The following NRXN3 variants were observed in gnomAD, a reference collection of about 807,000 sequenced individuals.
NRXN3 encodes neurexin III.
A neutral mutation model predicts 137.6 loss-of-function variants in NRXN3; 32 were observed. The observed-to-expected ratio is 0.23, with a 90% confidence interval of 0.18 to 0.31. The LOEUF (loss-of-function observed/expected upper bound fraction) is 0.31. Ranked by LOEUF, NRXN3 falls within the 10% of genes least tolerant of loss-of-function variation. The pLI, the probability that NRXN3 is intolerant of heterozygous loss-of-function variation, is 1.00. For missense variants in NRXN3, 1,574 were observed against 2,062.5 expected, an observed-to-expected ratio of 0.76 and a Z score of 4.59; for synonymous variants, 798 against 784.5, an observed-to-expected ratio of 1.02 and a Z score of -0.29.
At chr14:79,186,905 C>T (rs768115667) in intron 15 of NRXN3, among the ~76,000 whole-genome samples, 5 of 152,116 alleles carry the variant, frequency 3.3e-5, no homozygotes, top group African/African-American at 4.8e-5. Context: ...TCAGGGTGAA[C>T]GCAAAATGTG....
intron 8 of NRXN3, among the ~76,000 whole-genome samples, chr14:78,758,956 C>A (rs994464047): frequency 1.3e-5 from 2 of 152,128 alleles, no homozygotes; most frequent in East Asian, 1.9e-4. Context: ...TCTTGGTGTA[C>A]CAGAAAAGCA....
At chr14:79,339,139 G>T (rs1210641286) in intron 15 of NRXN3, among the ~76,000 whole-genome samples, 2 of 152,048 alleles carry the variant, frequency 1.3e-5, no homozygotes, top group Non-Finnish European at 2.9e-5. Flanking sequence ...GTGCAATGGA[G>T]CAAGGTTACC....
At chr14:78,687,980 T>C (rs996267286) in intron 6 of NRXN3, among the ~76,000 whole-genome samples, 3 of 152,194 alleles carry the variant, frequency 2.0e-5, no homozygotes, top group African/African-American at 7.2e-5. Context: ...AGTGCAGATA[T>C]TTGAAAGGAA....
Position 78,473,125 on chromosome 14 carries a change from G to A in NRXN3, c.758-171995G>A, listed in dbSNP as rs149934504. ...CTTTAAAAGAAAAACCTTTCTGGCC[G>A]GGCGTGGTGGCTCAAGCCTGTAATC... On this transcript the variant is annotated intron_variant, in intron 4 of 20. Transcript: ENST00000335750. 3.7e-3 allele frequency among the ~76,000 whole-genome samples: 557 copies of A among 152,124 alleles called. 3 individuals are homozygous for A. The highest frequency in any genetic ancestry group is 0.012 in the African/African-American group (491 of 41,512).
chr14:79,510,874 A>T (rs1567337555), intron 16 of NRXN3, among the ~76,000 whole-genome samples: 1 of 152,140 alleles, frequency 6.6e-6, no homozygotes, highest in Non-Finnish European at 1.5e-5. Flanking sequence ...AATAACTCCC[A>T]GCTCAAGCAG....
chr14:78,226,042 C>T (rs1035285723), intron 1 of NRXN3, among the ~76,000 whole-genome samples: 25 of 151,176 alleles, frequency 1.7e-4, no homozygotes, highest in African/African-American at 5.1e-4. Context: ...CTTGCTCTGT[C>T]GCCCAGGCTA....
chr14:79,457,158 A>G (rs993693559), intron 15 of NRXN3, among the ~76,000 whole-genome samples: 13 of 152,272 alleles, frequency 8.5e-5, no homozygotes, highest in African/African-American at 3.1e-4. Flanking sequence ...GGACATGACA[A>G]TTTCAGTTCA....
At chr14:78,249,297 C>T (rs1271795631) in intron 2 of NRXN3, among the ~76,000 whole-genome samples, 1 of 152,198 alleles carries the variant, frequency 6.6e-6, no homozygotes, top group East Asian at 1.9e-4. Context: ...AGACATTTTG[C>T]CAGGAGCCTC....
At chr14:79,754,550 ATATATATATATAT>A (rs2099012103) in intron 19 of NRXN3, among the ~76,000 whole-genome samples, 1 of 66,260 alleles carries the variant, frequency 1.5e-5, no homozygotes, top group Admixed American at 1.6e-4. Context: ...ATATATATAT[ATATATATATATAT>A]GCACACATAC....
chr14:78,728,830 C>T (rs533343994), intron 8 of NRXN3, among the ~76,000 whole-genome samples: 3 of 152,214 alleles, frequency 2.0e-5, no homozygotes, highest in South Asian at 2.1e-4. Flanking sequence ...ACCCAGGAGG[C>T]GGAGGTTGCA....
At chr14:79,775,550 A>AC in intron 19 of NRXN3, among the ~76,000 whole-genome samples, 1 of 143,256 alleles carries the variant, frequency 7.0e-6, no homozygotes, top group African/African-American at 2.7e-5. Context: ...TTGGGCTCTA[A>AC]CCGAAAAAAA....
chr14:79,591,962 C>A (rs1235675337), intron 16 of NRXN3, among the ~76,000 whole-genome samples: 1 of 152,142 alleles, frequency 6.6e-6, no homozygotes, highest in African/African-American at 2.4e-5. Context: ...TCAAATCTTA[C>A]ATCTACTGTT....
Position 79,392,099 on chromosome 14 carries a change from C to G in NRXN3, c.3263-75122C>G, listed in dbSNP as rs145666343. On this transcript the variant is annotated intron_variant, in intron 15 of 20. Transcript: ENST00000335750. ...ATGGTGGTTTGCTGCACCCATCAAC[C>G]CATCATCTACATGAGGAATTTCTCC... is the stretch of plus-strand genomic sequence containing the variant. Among the ~76,000 whole-genome samples the G allele has an allele frequency of 8.5e-3, 1,300 of 152,156 alleles. 32 individuals are homozygous for G. The East Asian group carries it at 0.099, about 12-fold the overall frequency.
chr14:79,054,425 A>C (rs2099651273), intron 15 of NRXN3, among the ~76,000 whole-genome samples: 1 of 152,176 alleles, frequency 6.6e-6, no homozygotes, highest in Admixed American at 6.5e-5. Flanking sequence ...AGCTTCCTTG[A>C]TGACCATCTC....
At chr14:79,551,298 A>G (rs1250162121) in intron 16 of NRXN3, among the ~76,000 whole-genome samples, 1 of 152,106 alleles carries the variant, frequency 6.6e-6, no homozygotes, top group African/African-American at 2.4e-5. Flanking sequence ...TCTTTGAAGG[A>G]GGGAGAAGGA....
chr14:78,339,175 A>G (rs2153579575), intron 4 of NRXN3, among the ~76,000 whole-genome samples: 1 of 152,306 alleles, frequency 6.6e-6, no homozygotes, highest in South Asian at 2.1e-4. Context: ...GGAAAGAGGT[A>G]AATATTATTT....
chr14:79,132,607 C>T (rs1234418143), intron 15 of NRXN3, among the ~76,000 whole-genome samples: 1 of 152,068 alleles, frequency 6.6e-6, no homozygotes, highest in African/African-American at 2.4e-5. Context: ...CTGTGTTGGC[C>T]TAGATCGTTT....
intron 10 of NRXN3, among the ~76,000 whole-genome samples, chr14:78,840,082 T>A (rs1177750377): frequency 6.6e-6 from 1 of 152,202 alleles, no homozygotes; most frequent in Non-Finnish European, 1.5e-5. Context: ...CCTGTATGCC[T>A]TCTTTAGTGA....
intron 1 of NRXN3, among the ~76,000 whole-genome samples, chr14:78,213,434 A>C (rs2062940797): frequency 6.6e-6 from 1 of 151,996 alleles, no homozygotes; most frequent in African/African-American, 2.4e-5. Context: ...ACCTTGATGC[A>C]CACCTGACTC....
Sources: gnomAD v4.1 joint callset for allele counts (sites outside exome capture counted in the v4.1 genomes callset) on GRCh38, gnomAD v4.1.1 for gene constraint, MANE v1.5 for transcripts, NCBI Gene and HGNC (gene_info 2026-07-23, HGNC 2026-07-21) for gene names.